Variants in CNGB1 observed in about 807,000 individuals in gnomAD.
The protein encoded by CNGB1 is cyclic nucleotide gated channel subunit beta 1.
In CNGB1, 126 loss-of-function variants were observed where a neutral mutation model predicts 151.7. The ratio of observed to expected loss-of-function variants is 0.83; its 90% CI spans 0.72 to 0.96. The LOEUF is 0.96. CNGB1 is among the 40% of genes least tolerant of loss of function. The pLI is 0.00. For missense variants in CNGB1, 1,698 were observed against 1,627.0 expected, an observed-to-expected ratio of 1.04 and a Z score of -0.75; for synonymous variants, 623 against 635.1, an observed-to-expected ratio of 0.98 and a Z score of 0.29.
At chr16:57,964,734 G>A (rs74338843) in intron 2 of CNGB1, among the ~76,000 whole-genome samples, 190 bp from the exon 3 acceptor site, 3,229 of 152,208 alleles carry the variant, frequency 0.021, 89 homozygotes, top group African/African-American at 0.073. Flanking sequence ...CTAGCCCCAG[G>A]GACCCCTCAT....
At chr16:57,936,034 G>C (rs1286909712) in intron 16 of CNGB1, among the ~76,000 whole-genome samples, 1 of 152,150 alleles carries the variant, frequency 6.6e-6, no homozygotes, top group African/African-American at 2.4e-5. Context: ...AAACAAACAA[G>C]CCAATCAAAA....
chr16:57,915,438 T>A, intron 22 of CNGB1, 103 bp from the exon 23 acceptor site: 1 of 897,176 alleles, frequency 1.1e-6, no homozygotes, highest in Non-Finnish European at 1.8e-6. Flanking sequence ...AAAGGTGAGG[T>A]CAGAATGCCC....
intron 17 of CNGB1, among the ~76,000 whole-genome samples, chr16:57,927,868 T>TGAACTAAACATAA: frequency 6.6e-6 from 1 of 152,202 alleles, no homozygotes; most frequent in Admixed American, 6.5e-5. Flanking sequence ...CATACTTCAG[T>TGAACTAAACATAA]GAACTAAACA....
chr16:57,902,147 T>G (rs1236292251), intron 27 of CNGB1, among the ~76,000 whole-genome samples: 1 of 152,160 alleles, frequency 6.6e-6, no homozygotes, highest in Non-Finnish European at 1.5e-5. Context: ...TTTGGTTCAC[T>G]GCAACCTCCA....
In CNGB1 at chr16:57,949,401, T is replaced by C; in HGVS notation, c.1073A>G (p.Glu358Gly). The C allele has an allele frequency of 1.9e-6, 3 of 1,613,622 alleles. No individual in the cohort carries two copies. Among genetic ancestry groups the C allele is most frequent in the Non-Finnish European group, 2.5e-6 (3 of 1,180,000 alleles). The stretch of plus-strand genomic sequence containing the variant: ...CTCCTCCTCCTCTTCCTCTTCCTCC[T>C]CCTCATCTTCTTTCTCCTCTTCAAT... ...SRIEEEKEDE[E>G]EEEEEEEEEE... The change falls in exon 14 of 33, where the codon GAG becomes GGG. Residue 358 changes from glutamate (E) to glycine (G), a missense_variant. Physicochemically the swap from Glu to Gly is moderately conservative, Grantham distance 98 (BLOSUM62 -2). Coordinates refer to ENST00000251102, the MANE Select transcript of CNGB1 (RefSeq NM_001297.5).
intron 17 of CNGB1, among the ~76,000 whole-genome samples, chr16:57,926,347 C>T (rs972025511): frequency 1.3e-5 from 2 of 152,158 alleles, no homozygotes; most frequent in African/African-American, 2.4e-5. Flanking sequence ...ACAGTGCAGA[C>T]GCAGCACTCC....
At chr16:57,940,443 C>A (rs1362350299) in intron 14 of CNGB1, 122 bp from the exon 15 acceptor site, 1 of 885,708 alleles carries the variant, frequency 1.1e-6, no homozygotes, top group East Asian at 2.7e-5. Context: ...GCCCAAGAAC[C>A]AGTCTCAACC....
Position 57,912,813 on chromosome 16 carries a change from G to A in CNGB1, c.2369+117C>T, listed in dbSNP as rs1367602874. ...TATGTGTGTATGTTGTGTGTGTGTT[G>A]TGTGTGTCGTGTGTGTGTTGTGTGT... On this transcript the variant is annotated intron_variant, in intron 24 of 32. Transcript: ENST00000251102. 3 of 1,009,458 alleles carry A rather than the reference G, an allele frequency of 3.0e-6. No homozygotes were observed. The East Asian group carries it at 7.4e-5, about 25-fold the overall frequency. The allele number at this position is 1,009,458 out of a possible 1,614,324, so 62.5% of individuals were successfully genotyped here. A position where few individuals can be genotyped will look rare whatever the true frequency, so the allele number is the denominator to read the frequency against.
At chr16:57,956,878 C>T (rs1199539318) in intron 12 of CNGB1, among the ~76,000 whole-genome samples, 1 of 152,162 alleles carries the variant, frequency 6.6e-6, no homozygotes, top group Non-Finnish European at 1.5e-5. Context: ...TCATATGCCT[C>T]CCCAACCCAG....
chr16:57,903,695 A>T, intron 27 of CNGB1, 127 bp downstream of exon 27: 1 of 1,187,948 alleles, frequency 8.4e-7, no homozygotes, highest in Non-Finnish European at 1.2e-6. Context: ...CACAGCCAAG[A>T]CAGGCCCCAG....
At position 57,967,276 on chromosome 16, in the gene CNGB1, C is replaced by T. The variant is rs201976061; in HGVS notation, c.11G>A (p.Trp4Ter). 6.4e-5 allele frequency: 103 copies of T among 1,614,078 alleles called. No individual in the cohort carries two copies. The African/African-American group carries it at 1.1e-3, about 17-fold the overall frequency. Residue 4 changes from tryptophan to a stop codon, truncating the protein, a stop_gained, in exon 2 of 33, where the codon TGG (tryptophan) becomes TAG (stop). Transcript: ENST00000251102. LOFTEE classifies it high-confidence loss of function. MLG[W>*]VQRVLPQPPG... is the part of the protein sequence containing the mutation. ...GGGCTGAGGCAGCACCCTCTGGACC[C>T]AGCCCAACATCCTGATGCCTGTAGG...
intron 17 of CNGB1, among the ~76,000 whole-genome samples, chr16:57,931,362 C>A (rs1411761422): frequency 6.6e-6 from 1 of 151,988 alleles, no homozygotes. Flanking sequence ...GCTATGTTGG[C>A]CAGGCTGGTC....
rs780237166 is a variant in CNGB1 at position 57,960,065 on chromosome 16, G to A, written c.584C>T (p.Ala195Val). 2.1e-5 allele frequency: 32 copies of A among 1,549,596 alleles called. No individual in the cohort carries two copies. In the Middle Eastern group the frequency reaches 5.5e-4, roughly 27 times the overall value. The change falls in exon 10 of 33, where the codon GCG becomes GTG. Residue 195 changes from alanine to valine, a missense_variant and splice_region_variant. By Grantham distance (64) the Ala-to-Val change is moderately conservative. Transcript: ENST00000251102. ...AVATGAASDPAPPGRPQEMGP... is the reference protein window; with the variant it reads ...AVATGAASDPVPPGRPQEMGP... ...CATTTCCTGGGGGCGTCCTGGAGGC[G>A]CTAAGCAGCGGGGAAAGCAGGAGCT...
At chr16:57,968,600 G>T (rs1962456980) in intron 1 of CNGB1, among the ~76,000 whole-genome samples, 1 of 116,744 alleles carries the variant, frequency 8.6e-6, no homozygotes, top group Admixed American at 8.1e-5. Flanking sequence ...GGTATCAAAT[G>T]AAAACACTAA....
At chr16:57,891,226 T>C (rs1960081398) in intron 31 of CNGB1, among the ~76,000 whole-genome samples, 1 of 152,216 alleles carries the variant, frequency 6.6e-6, no homozygotes, top group Non-Finnish European at 1.5e-5. Context: ...TCTCATGATT[T>C]GTAGTAATTA....
chr16:57,960,237 A>T (rs1597013176), intron 9 of CNGB1, among the ~76,000 whole-genome samples, 172 bp from the exon 10 acceptor site: 1 of 152,232 alleles, frequency 6.6e-6, no homozygotes, highest in African/African-American at 2.4e-5. Flanking sequence ...GGGAACTGAG[A>T]CCCAGGGAGG....
chr16:57,967,065 C>A (rs1344938835), intron 2 of CNGB1, 63 bp downstream of exon 2: 1 of 1,611,372 alleles, frequency 6.2e-7, no homozygotes, highest in Non-Finnish European at 8.5e-7. Context: ...GAGCAGATGG[C>A]CCAAACTGGG....
intron 14 of CNGB1, among the ~76,000 whole-genome samples, chr16:57,949,113 A>G (rs1010246473): frequency 2.7e-5 from 4 of 150,290 alleles, no homozygotes; most frequent in East Asian, 2.0e-4. Context: ...GCCCTCTTGG[A>G]GGCTGCATTC....
intron 17 of CNGB1, among the ~76,000 whole-genome samples, chr16:57,924,823 G>C (rs528676333): frequency 1.3e-5 from 2 of 152,142 alleles, no homozygotes; most frequent in Admixed American, 1.3e-4. Flanking sequence ...GTTTAAAACT[G>C]TGTGGCACCT....
Sources: gnomAD v4.1 joint callset for allele counts (sites outside exome capture counted in the v4.1 genomes callset) on GRCh38, gnomAD v4.1.1 for gene constraint, MANE v1.5 for transcripts, NCBI Gene and HGNC (gene_info 2026-07-23, HGNC 2026-07-21) for gene names.